SLC35D4: variants seen among roughly 807,000 people sequenced by gnomAD.
The protein encoded by SLC35D4 is UDP-N-acetylglucosamine transporter SLC35D4.
At chr18:23,243,473 T>TTTG in the SLC35D4 span, among the ~76,000 whole-genome samples, 1 of 150,220 alleles carries the variant, frequency 6.7e-6, no homozygotes, top group African/African-American at 2.4e-5. Context: ...TTGGTGTTTT[T>TTTG]TTTTTTTTTT....
At chr18:23,436,402 C>T in the SLC35D4 span, among the ~76,000 whole-genome samples, 1 of 152,144 alleles carries the variant, frequency 6.6e-6, no homozygotes, top group Non-Finnish European at 1.5e-5. Context: ...GAGTAAGGTT[C>T]CAAACGCCAA....
the SLC35D4 span, among the ~76,000 whole-genome samples, chr18:23,348,220 T>G: frequency 2.0e-5 from 3 of 152,242 alleles, no homozygotes. Context: ...TTCAGTCTTT[T>G]AAAACTTGGG....
the SLC35D4 span, among the ~76,000 whole-genome samples, chr18:23,288,775 G>A: frequency 6.6e-6 from 1 of 152,110 alleles, no homozygotes; most frequent in East Asian, 1.9e-4. Flanking sequence ...GCCTTTATTA[G>A]TCAAATCAGC....
the SLC35D4 span, chr18:23,309,760 C>A: frequency 3.1e-6 from 5 of 1,612,830 alleles, no homozygotes; most frequent in Admixed American, 6.7e-5. Context: ...GAAATAATTT[C>A]AACACAAGGT....
chr18:23,362,597 TCAAACAAA>T, the SLC35D4 span, among the ~76,000 whole-genome samples: 3 of 151,918 alleles, frequency 2.0e-5, no homozygotes, highest in African/African-American at 7.3e-5. Context: ...AGACTCTGTC[TCAAACAAA>T]CAAACAAACA....
chr18:23,429,135 T>C, the SLC35D4 span, among the ~76,000 whole-genome samples: 437 of 152,340 alleles, frequency 2.9e-3, 4 homozygotes, highest in African/African-American at 9.8e-3. Flanking sequence ...TTATTATGCA[T>C]AGTGCTGTGA....
chr18:23,383,405 G>A, the SLC35D4 span, among the ~76,000 whole-genome samples: 101 of 67,826 alleles, frequency 1.5e-3, no homozygotes, highest in Non-Finnish European at 2.2e-3. Flanking sequence ...TGAAGGCCAC[G>A]GGGGCCTGGA....
the SLC35D4 span, among the ~76,000 whole-genome samples, chr18:23,283,471 CAAAAAAAAAAAA>C: frequency 2.3e-5 from 1 of 44,438 alleles, no homozygotes; most frequent in Non-Finnish European, 4.3e-5. Context: ...GACCCAGTCT[CAAAAAAAAAAAA>C]AAAAAAAAAA....
chr18:23,326,408 T>G, the SLC35D4 span, among the ~76,000 whole-genome samples: 1 of 152,162 alleles, frequency 6.6e-6, no homozygotes, highest in Non-Finnish European at 1.5e-5. Flanking sequence ...AATCCTAGTC[T>G]CTGACAAAAC....
chr18:23,245,503 CA>C, the SLC35D4 span, among the ~76,000 whole-genome samples: 1,505 of 94,522 alleles, frequency 0.016, 8 homozygotes, highest in African/African-American at 0.039. Flanking sequence ...CATCCTGTCT[CA>C]AAAAAAAAAA....
the SLC35D4 span, among the ~76,000 whole-genome samples, chr18:23,298,887 C>T: frequency 1.9e-4 from 29 of 152,312 alleles, no homozygotes; most frequent in African/African-American, 7.0e-4. Flanking sequence ...ACCCAACACC[C>T]CAGCCCTTCA....
At chr18:23,369,334 C>T in the SLC35D4 span, among the ~76,000 whole-genome samples, 1 of 152,166 alleles carries the variant, frequency 6.6e-6, no homozygotes, top group African/African-American at 2.4e-5. Flanking sequence ...TTCAGCAGGC[C>T]CCAAAACCTG....
chr18:23,437,860 C>T, the SLC35D4 span: 1 of 1,611,754 alleles, frequency 6.2e-7, no homozygotes, highest in Non-Finnish European at 8.5e-7. Flanking sequence ...CATCTGTCAA[C>T]TCGTCCCCTT....
chr18:23,393,771 T>C, the SLC35D4 span, among the ~76,000 whole-genome samples: 1 of 152,048 alleles, frequency 6.6e-6, no homozygotes, highest in Non-Finnish European at 1.5e-5. Context: ...GCACTCACCA[T>C]CATGCCCAGA....
At chr18:23,415,147 A>G in the SLC35D4 span, among the ~76,000 whole-genome samples, 3 of 152,168 alleles carry the variant, frequency 2.0e-5, no homozygotes, top group East Asian at 5.8e-4. Context: ...TTAAATAAAT[A>G]CAATCTGGAC....
chr18:23,361,292 T>A, the SLC35D4 span, among the ~76,000 whole-genome samples: 1 of 151,986 alleles, frequency 6.6e-6, no homozygotes, highest in African/African-American at 2.4e-5. Context: ...AGACAGCTCA[T>A]CCAACACACA....
At chr18:23,329,037 C>A in the SLC35D4 span, among the ~76,000 whole-genome samples, 8 of 152,236 alleles carry the variant, frequency 5.3e-5, no homozygotes, top group South Asian at 2.1e-4. Context: ...CTTCCTTACA[C>A]CTTATACAAA....
the SLC35D4 span, among the ~76,000 whole-genome samples, chr18:23,271,267 C>G: frequency 6.6e-6 from 1 of 152,180 alleles, no homozygotes; most frequent in Non-Finnish European, 1.5e-5. Context: ...TAAGGCCTCC[C>G]CAGCCATGTG....
At chr18:23,403,569 G>A in the SLC35D4 span, among the ~76,000 whole-genome samples, 1 of 152,212 alleles carries the variant, frequency 6.6e-6, no homozygotes, top group African/African-American at 2.4e-5. Context: ...CCAGGGTAGG[G>A]AGCGAATAAT....
Sources: gnomAD v4.1 joint callset for allele counts (sites outside exome capture counted in the v4.1 genomes callset) on GRCh38, gnomAD v4.1.1 for gene constraint, MANE v1.5 for transcripts, NCBI Gene and HGNC (gene_info 2026-07-23, HGNC 2026-07-21) for gene names.